The following CELF2 variants were observed in gnomAD, a reference collection of about 807,000 sequenced individuals.
CELF2 encodes CUGBP Elav-like family member 2, also known as CUG triplet repeat RNA-binding protein 2.
CELF2 carries 8 observed loss-of-function variants against 62.6 expected under a neutral mutation model. The observed-to-expected ratio is 0.13, with a 90% CI of 0.07 to 0.23. The LOEUF is 0.23. CELF2 is among the 10% of genes least tolerant of loss of function. CELF2 has a pLI of 1.00. For synonymous variants in CELF2, 258 were observed against 250.0 expected (o/e 1.03, Z -0.30); for missense variants, 333 against 671.0 (o/e 0.50, Z 5.56).
intron 1 of CELF2, among the ~76,000 whole-genome samples, chr10:10,901,137 A>C (rs1320047545): frequency 6.6e-6 from 1 of 152,240 alleles, no homozygotes. Flanking sequence ...ATGCAATACC[A>C]GTCAACATCC....
intron 1 of CELF2, among the ~76,000 whole-genome samples, chr10:11,164,253 T>G (rs2066415796): frequency 2.0e-5 from 3 of 152,198 alleles, no homozygotes; most frequent in Admixed American, 2.0e-4. Context: ...AGGGTATATT[T>G]GGAGCGGGGG....
chr10:11,005,258 GAGA>G (rs1564348388), upstream of CELF2: 34 of 796,468 alleles, frequency 4.3e-5, no homozygotes, highest in African/African-American at 7.2e-4. The surrounding 1 kb of genome is among the most constrained non-coding windows in gnomAD (Gnocchi z 4.3). Flanking sequence ...GAGAGAGGGA[GAGA>G]GAGAGAGAGA....
At chr10:11,196,833 C>G (rs926622192) in intron 2 of CELF2, among the ~76,000 whole-genome samples, 1 of 151,248 alleles carries the variant, frequency 6.6e-6, no homozygotes, top group Admixed American at 6.6e-5. Flanking sequence ...GGCGCATGCG[C>G]TTGTAATCCC....
chr10:10,828,849 T>G lies in CELF2; in HGVS notation c.53+30032T>G, dbSNP rs115550701. Among the ~76,000 whole-genome samples, 599 of 152,268 alleles carry G rather than the reference T, an allele frequency of 3.9e-3. 4 individuals carry two copies. Among genetic ancestry groups the G allele is most frequent in the African/African-American group, 0.014 (575 of 41,560 alleles). On this transcript the variant is annotated intron_variant, in intron 1 of 13. Coordinates refer to the CELF2 transcript ENST00000636488. ...AGGAATGAATTGAATAAGCAATGGA[T>G]GAAGGAATGCATGATCCCACTGAAA...
the CELF2 span, among the ~76,000 whole-genome samples, chr10:10,505,496 C>T: frequency 6.6e-6 from 1 of 151,972 alleles, no homozygotes; most frequent in Non-Finnish European, 1.5e-5. Context: ...GAAGTTCAGG[C>T]TCCCCTACAT....
intron 1 of CELF2, among the ~76,000 whole-genome samples, chr10:11,091,159 C>G (rs1432276890): frequency 1.3e-5 from 2 of 152,092 alleles, no homozygotes; most frequent in African/African-American, 4.8e-5. Flanking sequence ...TTTGTCTAAT[C>G]AGCTTCCTAA....
intron 1 of CELF2, among the ~76,000 whole-genome samples, chr10:10,826,081 A>C (rs1176729315): frequency 6.6e-6 from 1 of 152,236 alleles, no homozygotes; most frequent in Non-Finnish European, 1.5e-5. Flanking sequence ...CAGAGTAATC[A>C]AACCATAAGA....
the CELF2 span, among the ~76,000 whole-genome samples, chr10:10,513,822 G>C: frequency 6.6e-6 from 1 of 152,190 alleles, no homozygotes; most frequent in Non-Finnish European, 1.5e-5. Flanking sequence ...TGTTAGCAAA[G>C]CCTGGTTCCC....
the CELF2 span, among the ~76,000 whole-genome samples, chr10:10,470,276 C>G: frequency 5.3e-5 from 8 of 151,508 alleles, no homozygotes; most frequent in Non-Finnish European, 1.2e-4. Context: ...TCTTCTACCC[C>G]TTTTTTTTAA....
At chr10:10,538,642 GC>G in the CELF2 span, among the ~76,000 whole-genome samples, 2 of 151,950 alleles carry the variant, frequency 1.3e-5, no homozygotes, top group Non-Finnish European at 2.9e-5. Flanking sequence ...CAAATTTCCA[GC>G]CCCAAACATA....
At chr10:11,181,131 A>C (rs776611058) in intron 2 of CELF2, among the ~76,000 whole-genome samples, 7 of 152,128 alleles carry the variant, frequency 4.6e-5, no homozygotes, top group Non-Finnish European at 1.0e-4. Flanking sequence ...TGGCCTCCCA[A>C]AGTGCTGGGA....
intron 1 of CELF2, among the ~76,000 whole-genome samples, chr10:11,142,937 G>C (rs530565104): frequency 6.7e-6 from 1 of 150,226 alleles, no homozygotes; most frequent in Non-Finnish European, 1.5e-5. Context: ...CAGTCCCCTC[G>C]TGATTCTTCT....
chr10:11,206,765 A>T (rs1016235011), intron 2 of CELF2, among the ~76,000 whole-genome samples: 6 of 152,258 alleles, frequency 3.9e-5, no homozygotes, highest in African/African-American at 1.4e-4. Flanking sequence ...GGTTTTGAAA[A>T]ATACAAAGCG....
intron 1 of CELF2, among the ~76,000 whole-genome samples, chr10:10,841,523 T>TC (rs1281243382): frequency 2.6e-5 from 4 of 151,906 alleles, no homozygotes; most frequent in African/African-American, 7.2e-5. Flanking sequence ...TACCATTCTT[T>TC]CCCCATTGAA....
chr10:11,164,168 G>A (rs1250319165), intron 1 of CELF2, among the ~76,000 whole-genome samples: 1 of 152,214 alleles, frequency 6.6e-6, no homozygotes, highest in East Asian at 1.9e-4. Context: ...CTGAGAAGCT[G>A]GAGCAAGCGC....
intron 2 of CELF2, among the ~76,000 whole-genome samples, chr10:10,926,626 C>A (rs1252003414): frequency 1.3e-5 from 2 of 152,204 alleles, no homozygotes; most frequent in South Asian, 2.1e-4. Context: ...ACGTGGGGAC[C>A]ATGTCCATCT....
chr10:11,323,088 C>G (rs922326908), intron 11 of CELF2, among the ~76,000 whole-genome samples: 2 of 152,056 alleles, frequency 1.3e-5, no homozygotes, highest in Non-Finnish European at 2.9e-5. Context: ...TTCGAAACAA[C>G]ATGTTTCTGA....
At chr10:10,509,428 C>G in the CELF2 span, among the ~76,000 whole-genome samples, 1 of 152,190 alleles carries the variant, frequency 6.6e-6, no homozygotes, top group African/African-American at 2.4e-5. Flanking sequence ...AATTCCCAGA[C>G]AGTCCATTTG....
chr10:11,120,159 G>A (rs1489022981), intron 1 of CELF2, among the ~76,000 whole-genome samples: 1 of 151,988 alleles, frequency 6.6e-6, no homozygotes, highest in Non-Finnish European at 1.5e-5. Context: ...AGGTGTCAGG[G>A]GATACTGTCT....
Sources: gnomAD v4.1 joint callset for allele counts (sites outside exome capture counted in the v4.1 genomes callset) on GRCh38, gnomAD v4.1.1 for gene constraint, Gnocchi (gnomAD v3.1) non-coding constraint, MANE v1.5 for transcripts, NCBI Gene and HGNC (gene_info 2026-07-23, HGNC 2026-07-21) for gene names.